The following EDA variants were observed in gnomAD, a reference collection of about 807,000 sequenced individuals.
EDA encodes ectodysplasin-A.
EDA carries 2 observed loss-of-function variants against 23.6 expected under a neutral mutation model. The ratio of observed to expected loss-of-function variants is 0.08; its 90% CI spans 0.03 to 0.27. EDA has a LOEUF of 0.27. EDA is among the 10% of genes least tolerant of loss of function. The pLI is 1.00. For missense variants in EDA, 229 were observed against 324.2 expected (o/e 0.71, Z 2.26); for synonymous variants, 131 against 132.0 (o/e 0.99, Z 0.05).
intron 2 of EDA, among the ~76,000 whole-genome samples, chrX:70,005,548 G>A (rs180930310): frequency 3.7e-4 from 41 of 110,531 alleles, no homozygotes; most frequent in Non-Finnish European, 5.7e-4. Context: ...TTTGATAAAT[G>A]CAACAGTGTG....
At chrX:69,788,268 A>G (rs370502440) in intron 1 of EDA, among the ~76,000 whole-genome samples, 10 of 112,495 alleles carry the variant, frequency 8.9e-5, no homozygotes, top group Non-Finnish European at 1.9e-4. Context: ...TAATTTGATC[A>G]TCTGAAGCCT....
At chrX:69,700,872 G>C (rs1204989149) in intron 1 of EDA, among the ~76,000 whole-genome samples, 1 of 110,906 alleles carries the variant, frequency 9.0e-6, no homozygotes, top group African/African-American at 3.3e-5. Context: ...GGGTACTATG[G>C]GGAACGTGGA....
At chrX:69,881,913 C>T (rs1290918260) in intron 1 of EDA, among the ~76,000 whole-genome samples, 1 of 110,128 alleles carries the variant, frequency 9.1e-6, no homozygotes, top group Non-Finnish European at 1.9e-5. Flanking sequence ...ACTAATAGAG[C>T]AAGAACTCAC....
Position 69,977,528 on chromosome X carries a change from G to A in EDA, c.502+20396G>A, listed in dbSNP as rs150517414. Among the ~76,000 whole-genome samples the A allele has an allele frequency of 8.2e-3, 910 of 111,483 alleles. 8 individuals are homozygous for A. Among genetic ancestry groups the A allele is most frequent in the African/African-American group, 0.028 (873 of 30,721 alleles). Reference sequence around the variant, plus strand: ...ACCCATTTGCCCCAAACTCTACCTAGGTTTATTTTATGAAATTAATGCTTT... The same window carrying A: ...ACCCATTTGCCCCAAACTCTACCTAAGTTTATTTTATGAAATTAATGCTTT... On this transcript the variant is annotated intron_variant, in intron 2 of 7. Coordinates refer to ENST00000374552, the MANE Select transcript of EDA (RefSeq NM_001399.5).
intron 2 of EDA, among the ~76,000 whole-genome samples, chrX:69,959,402 C>G (rs891191428): frequency 2.7e-5 from 3 of 111,880 alleles, no homozygotes; most frequent in Non-Finnish European, 3.8e-5. Context: ...AGAACCATTT[C>G]TTTAGATGTG....
rs775696535 is a variant in EDA at position 69,830,605 on chromosome X, G to A, written c.397-126422G>A. Among the ~76,000 whole-genome samples the A allele has an allele frequency of 9.8e-5, 11 of 112,048 alleles. No individual in the cohort carries two copies. In the East Asian group the frequency reaches 1.7e-3, roughly 17 times the overall value. ...AGAAATTTATGGAAAACTAATACTC[G>A]TGTAATAACATAAGTTACCACTCAA... On this transcript the variant is annotated intron_variant, in intron 1 of 7. Transcript: ENST00000374552.
At chrX:69,646,446 G>C (rs1932929004) in intron 1 of EDA, among the ~76,000 whole-genome samples, 1 of 111,353 alleles carries the variant, frequency 9.0e-6, no homozygotes, top group Non-Finnish European at 1.9e-5. Context: ...GCCCTTTTTT[G>C]TCTTTTTTGA....
At chrX:70,013,267 G>T (rs1182984096) in intron 2 of EDA, among the ~76,000 whole-genome samples, 2 of 111,150 alleles carry the variant, frequency 1.8e-5, no homozygotes, top group African/African-American at 6.6e-5. Flanking sequence ...AAAGGGCCTG[G>T]TTGTGTCACT....
chrX:69,621,012 A>C (rs1340934907), intron 1 of EDA: 2 of 325,630 alleles, frequency 6.1e-6, no homozygotes, highest in Admixed American at 3.5e-5. Flanking sequence ...TGAAATGGAG[A>C]AGAGCCTTAA....
At chrX:69,952,524 A>G (rs1297030805) in intron 1 of EDA, among the ~76,000 whole-genome samples, 1 of 112,019 alleles carries the variant, frequency 8.9e-6, no homozygotes, top group African/African-American at 3.2e-5. Context: ...CCCACAACAC[A>G]TGGGAATTAA....
rs142939764 is a variant in EDA, at chrX:69,776,472, A to G, written c.396+159768A>G. Among the ~76,000 whole-genome samples the G allele has an allele frequency of 6.6e-3, 741 of 111,731 alleles. 3 individuals are homozygous for G. The highest frequency in any genetic ancestry group is 9.7e-3 in the Non-Finnish European group (514 of 53,106). On this transcript the variant is annotated intron_variant, in intron 1 of 7. Coordinates refer to ENST00000374552, the MANE Select transcript of EDA (RefSeq NM_001399.5). Reference sequence around the variant, plus strand: ...CCCTGAACAAGCTGTCTTGCCTGCCACGATGTAAGACATGCCTTTGCTCCT... The same window carrying G: ...CCCTGAACAAGCTGTCTTGCCTGCCGCGATGTAAGACATGCCTTTGCTCCT...
At chrX:69,690,287 G>A (rs1934675438) in intron 1 of EDA, among the ~76,000 whole-genome samples, 1 of 111,282 alleles carries the variant, frequency 9.0e-6, no homozygotes, top group Non-Finnish European at 1.9e-5. Flanking sequence ...GTCTTTCCTA[G>A]GTACCCCTTA....
chrX:69,806,191 G>T (rs2015811165), intron 1 of EDA, among the ~76,000 whole-genome samples: 1 of 111,565 alleles, frequency 9.0e-6, no homozygotes, highest in African/African-American at 3.2e-5. Context: ...TGTAATGAAA[G>T]GAATACTGGA....
chrX:69,837,980 T>A (rs769037206), intron 1 of EDA, among the ~76,000 whole-genome samples: 1 of 112,616 alleles, frequency 8.9e-6, no homozygotes, highest in South Asian at 3.7e-4. Flanking sequence ...AGATGTTGGA[T>A]TCCTTTGGGG....
intron 2 of EDA, among the ~76,000 whole-genome samples, chrX:69,999,937 T>G (rs1293745063): frequency 9.0e-6 from 1 of 111,688 alleles, no homozygotes; most frequent in African/African-American, 3.2e-5. Context: ...TATTCAATAA[T>G]AGGAAATCTC....
chrX:69,874,216 G>A (rs2147611965), intron 1 of EDA, among the ~76,000 whole-genome samples: 1 of 111,092 alleles, frequency 9.0e-6, no homozygotes, highest in East Asian at 2.8e-4. Flanking sequence ...GGAGGCTGAG[G>A]CAGGAGAATC....
chrX:69,825,191 A>G (rs1217662047), intron 1 of EDA, among the ~76,000 whole-genome samples: 1 of 100,223 alleles, frequency 1.0e-5, no homozygotes, highest in African/African-American at 3.7e-5. Flanking sequence ...CGGCTTTGGT[A>G]TCAGGATGAT....
intron 1 of EDA, among the ~76,000 whole-genome samples, chrX:69,677,503 T>C (rs1408313275): frequency 9.0e-6 from 1 of 111,622 alleles, no homozygotes; most frequent in African/African-American, 3.3e-5. Context: ...GTTTCCTGAC[T>C]TTTTAATGAT....
At chrX:69,769,534 G>T (rs1410813807) in intron 1 of EDA, among the ~76,000 whole-genome samples, 1 of 111,154 alleles carries the variant, frequency 9.0e-6, no homozygotes, top group Non-Finnish European at 1.9e-5. Flanking sequence ...GATGTGGTTA[G>T]GTTTAAGTCT....
Sources: gnomAD v4.1 joint callset for allele counts (sites outside exome capture counted in the v4.1 genomes callset) on GRCh38, gnomAD v4.1.1 for gene constraint, MANE v1.5 for transcripts, NCBI Gene and HGNC (gene_info 2026-07-23, HGNC 2026-07-21) for gene names.